The following TENM2 variants were observed in gnomAD, a reference collection of about 807,000 sequenced individuals.
TENM2 encodes the protein teneurin transmembrane protein 2.
TENM2 carries 52 observed loss-of-function variants against 245.2 expected under a neutral mutation model. The observed-to-expected ratio is 0.21, with a 90% CI of 0.17 to 0.27. The LOEUF is 0.27. Ranked by LOEUF, TENM2 falls within the 10% of genes least tolerant of loss-of-function variation. The pLI is 1.00. For synonymous variants in TENM2, 1,363 were observed against 1,438.9 expected, an observed-to-expected ratio of 0.95 and a Z score of 1.19; for missense variants, 3,046 against 3,666.8, an observed-to-expected ratio of 0.83 and a Z score of 4.37.
the TENM2 span, among the ~76,000 whole-genome samples, chr5:167,251,991 T>A: frequency 6.6e-6 from 1 of 152,082 alleles, no homozygotes; most frequent in Non-Finnish European, 1.5e-5. Context: ...ATATAAAAAT[T>A]CCTACCAAAG....
At chr5:168,149,914 C>T (rs1756490345) in intron 12 of TENM2, among the ~76,000 whole-genome samples, 1 of 152,198 alleles carries the variant, frequency 6.6e-6, no homozygotes, top group Non-Finnish European at 1.5e-5. Context: ...GCCTGTGCTA[C>T]TATCTCCCAA....
intron 1 of TENM2, among the ~76,000 whole-genome samples, chr5:167,362,145 G>A (rs1759754987): frequency 6.6e-6 from 1 of 152,168 alleles, no homozygotes; most frequent in Non-Finnish European, 1.5e-5. Flanking sequence ...TTGGAACACA[G>A]GAAGCAAGGT....
the TENM2 span, among the ~76,000 whole-genome samples, chr5:166,979,340 G>A: frequency 2.0e-4 from 30 of 152,162 alleles, no homozygotes; most frequent in African/African-American, 7.2e-4. Context: ...GAGGGGGAAA[G>A]CCTGTCTTGG....
At chr5:167,122,427 C>T in the TENM2 span, among the ~76,000 whole-genome samples, 1 of 152,148 alleles carries the variant, frequency 6.6e-6, no homozygotes. Context: ...CCTTTTCCTT[C>T]TCTTCCTCCC....
At chr5:168,224,601 T>C (rs992211045) in intron 23 of TENM2, among the ~76,000 whole-genome samples, 2 of 152,082 alleles carry the variant, frequency 1.3e-5, no homozygotes, top group African/African-American at 4.8e-5. Flanking sequence ...TTTCCACCGC[T>C]CACAGGCCCT....
At chr5:167,962,947 TC>T (rs1166253118) in intron 4 of TENM2, among the ~76,000 whole-genome samples, 7 of 152,138 alleles carry the variant, frequency 4.6e-5, no homozygotes, top group Non-Finnish European at 8.8e-5. Context: ...ATTTATTGAG[TC>T]CCTTGTGTAT....
At chr5:168,126,535 T>A (rs1795863441) in intron 11 of TENM2, among the ~76,000 whole-genome samples, 1 of 152,198 alleles carries the variant, frequency 6.6e-6, no homozygotes, top group South Asian at 2.1e-4. Flanking sequence ...GTGATACTGA[T>A]GCTGTTGGTC....
intron 23 of TENM2, among the ~76,000 whole-genome samples, chr5:168,223,505 G>C (rs1021260655): frequency 2.3e-5 from 3 of 131,738 alleles, no homozygotes; most frequent in African/African-American, 9.2e-5. Flanking sequence ...GTCTTGCTCT[G>C]TCGCCAGGCT....
chr5:167,067,463 G>T, the TENM2 span, among the ~76,000 whole-genome samples: 17 of 152,196 alleles, frequency 1.1e-4, no homozygotes, highest in South Asian at 3.5e-3. Context: ...AGATTATTGT[G>T]GAAAGCTCTG....
At chr5:167,975,532 C>A (rs1405142310) in intron 4 of TENM2, among the ~76,000 whole-genome samples, 1 of 151,726 alleles carries the variant, frequency 6.6e-6, no homozygotes, top group Non-Finnish European at 1.5e-5. Context: ...TACAAACACA[C>A]TTAAATGGCA....
chr5:167,885,919 G>T (rs760129020), intron 3 of TENM2, among the ~76,000 whole-genome samples: 4 of 152,164 alleles, frequency 2.6e-5, no homozygotes, highest in Non-Finnish European at 5.9e-5. Flanking sequence ...CTGACCTCAG[G>T]TGATCCACTC....
At chr5:167,071,883 C>CCG in the TENM2 span, among the ~76,000 whole-genome samples, 88 of 142,430 alleles carry the variant, frequency 6.2e-4, no homozygotes, top group East Asian at 6.5e-3. Context: ...AAATCGCCCC[C>CCG]CCCCGCCCCC....
At chr5:167,341,044 C>T (rs573195667) in intron 1 of TENM2, among the ~76,000 whole-genome samples, 2 of 152,026 alleles carry the variant, frequency 1.3e-5, no homozygotes, top group Admixed American at 1.3e-4. Context: ...TCTGCTGACA[C>T]CCTACAGATT....
At chr5:167,379,130 T>G (rs1233240313) in intron 2 of TENM2, among the ~76,000 whole-genome samples, 2 of 152,146 alleles carry the variant, frequency 1.3e-5, no homozygotes, top group African/African-American at 4.8e-5. Context: ...ATCCTCATAA[T>G]GTACTTTGAG....
chr5:167,424,408 A>G (rs574872340), intron 2 of TENM2, among the ~76,000 whole-genome samples: 3 of 152,174 alleles, frequency 2.0e-5, no homozygotes, highest in African/African-American at 4.8e-5. Flanking sequence ...ATGTCATTCA[A>G]TGTTAGAAAA....
Position 167,473,206 on chromosome 5 carries a change from C to T in TENM2, c.502+97733C>T, listed in dbSNP as rs150758357. Reference sequence around the variant, plus strand: ...AGGCTTATCATTGTGAGCATAACTGCCCTTTAGGTTTTACATGTTATCTAG... The same window carrying T: ...AGGCTTATCATTGTGAGCATAACTGTCCTTTAGGTTTTACATGTTATCTAG... On this transcript the variant is annotated intron_variant, in intron 2 of 28. Coordinates refer to ENST00000518659, the Ensembl canonical transcript of TENM2. Among the ~76,000 whole-genome samples, 8 of 152,228 alleles carry T rather than the reference C, an allele frequency of 5.3e-5. No homozygotes were observed. The East Asian group carries it at 1.5e-3, about 29-fold the overall frequency.
chr5:167,791,922 C>G (rs1412021948), intron 2 of TENM2, among the ~76,000 whole-genome samples: 1 of 152,122 alleles, frequency 6.6e-6, no homozygotes, highest in East Asian at 1.9e-4. Context: ...GCCATCATCC[C>G]CACTCTCCAT....
the TENM2 span, among the ~76,000 whole-genome samples, chr5:167,065,337 G>A: frequency 6.6e-6 from 1 of 151,934 alleles, no homozygotes; most frequent in African/African-American, 2.4e-5. Flanking sequence ...TATGACATTT[G>A]GTATATGGGA....
the TENM2 span, among the ~76,000 whole-genome samples, chr5:167,275,250 A>C: frequency 6.6e-6 from 1 of 152,136 alleles, no homozygotes; most frequent in African/African-American, 2.4e-5. Flanking sequence ...AACACCACAC[A>C]GTATTGATTC....
Sources: gnomAD v4.1 joint callset for allele counts (sites outside exome capture counted in the v4.1 genomes callset) on GRCh38, gnomAD v4.1.1 for gene constraint, MANE v1.5 for transcripts, NCBI Gene and HGNC (gene_info 2026-07-23, HGNC 2026-07-21) for gene names.